Variants in TAF1 observed in about 807,000 individuals in gnomAD.
TAF1 encodes the protein TATA-box binding protein associated factor 1.
In TAF1, 2 loss-of-function variants were observed where a neutral mutation model predicts 138.5. That is an observed-to-expected ratio of 0.01 (90% CI 0.01 to 0.05). TAF1 has a LOEUF of 0.05. TAF1 is among the 10% of genes least tolerant of loss of function. The pLI is 1.00. For synonymous variants in TAF1, 437 were observed against 503.2 expected (o/e 0.87, Z 1.76); for missense variants, 709 against 1,478.0 (o/e 0.48, Z 8.53).
chrX:71,409,008 C>T (rs1222931504), intron 28 of TAF1, among the ~76,000 whole-genome samples: 6 of 102,630 alleles, frequency 5.8e-5, no homozygotes, highest in Non-Finnish European at 7.9e-5. Flanking sequence ...AGCAAGACTC[C>T]GTCTCAAAAA....
At chrX:71,493,629 G>A (rs989537339) in intron 13 of TAF1, among the ~76,000 whole-genome samples, 1 of 112,477 alleles carries the variant, frequency 8.9e-6, no homozygotes, top group African/African-American at 3.2e-5. Context: ...CCTGTGTAAG[G>A]CACTAGAGGT....
chrX:71,369,605 C>CTT (rs762612709), intron 3 of TAF1, among the ~76,000 whole-genome samples: 9 of 92,166 alleles, frequency 9.8e-5, no homozygotes, highest in Non-Finnish European at 1.5e-4. Flanking sequence ...CAGTGTGTTT[C>CTT]TTTTTTTTTT....
intron 25 of TAF1, among the ~76,000 whole-genome samples, chrX:71,402,098 T>C (rs1036137471): frequency 4.5e-5 from 5 of 111,322 alleles, no homozygotes; most frequent in Non-Finnish European, 7.5e-5. Flanking sequence ...TAGACACTTA[T>C]AATATTTGCA....
At position 71,377,846 on chromosome X, in the gene TAF1, T is replaced by G. The variant is rs1292777953; in HGVS notation, c.933+25T>G. On this transcript the variant is annotated intron_variant, in intron 6 of 37. Transcript: ENST00000423759. ...AGTAGGCAAAATAGAGACCTGAGATTAAGGCCTATGAGAGGAACAAATGAA... is the reference window on the plus strand; with the variant it reads ...AGTAGGCAAAATAGAGACCTGAGATGAAGGCCTATGAGAGGAACAAATGAA... The G allele has an allele frequency of 6.0e-6, 7 of 1,169,629 alleles. No homozygotes were observed. The East Asian group carries it at 1.8e-4, about 30-fold the overall frequency.
At position 71,384,098 on chromosome X, in the gene TAF1, T is replaced by C. The variant is rs1057522594; in HGVS notation, c.2084T>C (p.Val695Ala). The change falls in exon 13 of 38, where the codon GTT (valine) becomes GCT (alanine). Residue 695 changes from valine to alanine, a missense_variant. Val to Ala is a moderately conservative substitution (Grantham distance 64, BLOSUM62 0). This residue lies in a region of TAF1 where 201 missense variants were observed against 421.3 expected (regional missense o/e 0.48). Transcript: ENST00000423759. ...SEENGPLMMQVGMATKIKNYY... is the reference protein window; with the variant it reads ...SEENGPLMMQAGMATKIKNYY... ...GAAAATGGACCCTTAATGATGCAGG[T>C]TGGCATGGCAACCAAGATAAAGAAC... The C allele has an allele frequency of 1.2e-5, 14 of 1,209,551 alleles. No homozygotes were observed. Among genetic ancestry groups the C allele is most frequent in the Non-Finnish European group, 1.6e-5 (14 of 895,225 alleles).
intron 32 of TAF1, among the ~76,000 whole-genome samples, chrX:71,424,897 T>G (rs2036525309): frequency 8.9e-6 from 1 of 112,507 alleles, no homozygotes; most frequent in South Asian, 3.6e-4. Flanking sequence ...AGTGCTGGGA[T>G]TACAGGCGTG....
chrX:71,455,203 A>G (rs1225175839), intron 34 of TAF1, among the ~76,000 whole-genome samples: 1 of 110,763 alleles, frequency 9.0e-6, no homozygotes, highest in Non-Finnish European at 1.9e-5. Flanking sequence ...TAGAGTGTAG[A>G]CTTCTCAGTT....
At chrX:71,434,178 C>T (rs777972436) in intron 32 of TAF1, among the ~76,000 whole-genome samples, 2 of 111,461 alleles carry the variant, frequency 1.8e-5, no homozygotes, top group African/African-American at 6.5e-5. Flanking sequence ...AGATCAGCCC[C>T]GGCAAGAGAC....
chrX:71,442,626 A>C (rs1732842592), intron 32 of TAF1, among the ~76,000 whole-genome samples: 1 of 111,656 alleles, frequency 9.0e-6, no homozygotes, highest in Admixed American at 9.5e-5. Flanking sequence ...GTTCACTCTG[A>C]TGGTAGTTTC....
At chrX:71,496,739 TTC>T (rs2039404705) in intron 13 of TAF1, among the ~76,000 whole-genome samples, 1 of 110,946 alleles carries the variant, frequency 9.0e-6, no homozygotes, top group Non-Finnish European at 1.9e-5. Flanking sequence ...CTCGCTCTCT[TTC>T]TCTCTGACTT....
chrX:71,505,615 TCAA>T (rs1189182740), intron 13 of TAF1, among the ~76,000 whole-genome samples: 6 of 112,175 alleles, frequency 5.3e-5, no homozygotes, highest in African/African-American at 1.9e-4. Context: ...ATCAAGGTCA[TCAA>T]CAACAAGAAA....
intron 32 of TAF1, among the ~76,000 whole-genome samples, chrX:71,447,989 T>A (rs2037775933): frequency 8.9e-6 from 1 of 111,978 alleles, no homozygotes; most frequent in Non-Finnish European, 1.9e-5. Flanking sequence ...TAGAGTTGCT[T>A]CAGCCATGAT....
chrX:71,397,363 C>A lies in TAF1; in HGVS notation c.3517C>A (p.Arg1173=), dbSNP rs376226933. The stretch of plus-strand genomic sequence containing the variant: ...CTGTCTCAAGATTTATCGCACGTTT[C>A]GAGATGAAGAGGGGAAAGAGTATGT... The part of the protein sequence containing the change: ...GRCLKIYRTF[R]DEEGKEYVRC... The change falls in exon 23 of 38, where the codon CGA becomes AGA. Residue 1173 remains arginine, a synonymous_variant. Coordinates refer to ENST00000423759, the MANE Select transcript of TAF1 (RefSeq NM_004606.5). 5.6e-5 allele frequency: 68 copies of A among 1,209,747 alleles called. No individual in the cohort carries two copies. The highest frequency in any genetic ancestry group is 6.9e-5 in the Non-Finnish European group (62 of 895,272).
chrX:71,467,550 A>G (rs1431160905), downstream of TAF1, among the ~76,000 whole-genome samples: 2 of 112,140 alleles, frequency 1.8e-5, no homozygotes, highest in Non-Finnish European at 3.8e-5. Flanking sequence ...CAATTTATTG[A>G]TCACATAATA....
rs868381144 is a variant in TAF1, at chrX:71,382,751, C to G, written c.1666-10C>G. 8.3e-6 allele frequency: 10 copies of G among 1,205,752 alleles called. No individual in the cohort carries two copies. Among genetic ancestry groups the G allele is most frequent in the Middle Eastern group, 4.6e-4 (2 of 4,315 alleles). On this transcript the variant is annotated splice_polypyrimidine_tract_variant and intron_variant, in intron 10 of 37. Coordinates refer to ENST00000423759, the MANE Select transcript of TAF1 (RefSeq NM_004606.5). ...GTCTGACCGAGATTTGTTTGATTAT[C>G]TATCATTAGAACATGTCTCAGCCAG...
intron 25 of TAF1, among the ~76,000 whole-genome samples, chrX:71,404,269 G>A (rs1331673535): frequency 9.0e-6 from 1 of 111,488 alleles, no homozygotes; most frequent in Non-Finnish European, 1.9e-5. Context: ...ACCGCGCCCA[G>A]CCTTCTGGCA....
intron 13 of TAF1, among the ~76,000 whole-genome samples, chrX:71,514,654 G>A (rs1461181128): frequency 9.0e-6 from 1 of 110,915 alleles, no homozygotes; most frequent in African/African-American, 3.3e-5. Flanking sequence ...AATTGAGAGA[G>A]TCAAGGAAAT....
chrX:71,518,917 G>A (rs60659537), intron 13 of TAF1, among the ~76,000 whole-genome samples: 1 of 105,498 alleles, frequency 9.5e-6, no homozygotes, highest in African/African-American at 3.4e-5. Flanking sequence ...GGCTGGTCTC[G>A]AACTCCTGAC....
At chrX:71,439,161 GTAT>G (rs1226229216) in intron 32 of TAF1, among the ~76,000 whole-genome samples, 1 of 111,462 alleles carries the variant, frequency 9.0e-6, no homozygotes, top group African/African-American at 3.3e-5. Flanking sequence ...CAAGCTGAAT[GTAT>G]TATTGTTTCC....
Sources: gnomAD v4.1 joint callset for allele counts (sites outside exome capture counted in the v4.1 genomes callset) on GRCh38, gnomAD v4.1.1 for gene constraint, gnomAD v4.1.1 regional missense constraint, MANE v1.5 for transcripts, NCBI Gene and HGNC (gene_info 2026-07-23, HGNC 2026-07-21) for gene names.